ANAPC2: variants seen among roughly 807,000 people sequenced by gnomAD.
ANAPC2 encodes anaphase-promoting complex subunit 2.
Under a neutral mutation model 84.3 loss-of-function variants are expected in ANAPC2, and 29 were observed. The ratio of observed to expected loss-of-function variants is 0.34; its 90% CI spans 0.26 to 0.47. The LOEUF (loss-of-function observed/expected upper bound fraction) is 0.47. ANAPC2 is among the 20% of genes least tolerant of loss of function. The pLI is 1.00. For missense variants in ANAPC2, 857 were observed against 1,131.7 expected (o/e 0.76, Z 3.48); for synonymous variants, 571 against 479.4 (o/e 1.19, Z -2.50).
intron 2 of ANAPC2, chr9:137,187,247 G>C (rs1834493508): frequency 3.6e-6 from 2 of 553,218 alleles, no homozygotes; most frequent in South Asian, 5.8e-5. Context: ...GCAGACACAA[G>C]CCACATAGGG....
chr9:137,180,169 G>C lies in ANAPC2; in HGVS notation c.1890+12C>G, dbSNP rs553691479. 2 of 1,611,880 alleles carry C rather than the reference G, an allele frequency of 1.2e-6. No individual in the cohort carries two copies. Among genetic ancestry groups the C allele is most frequent in the Non-Finnish European group, 8.5e-7 (1 of 1,179,014 alleles). On this transcript the variant is annotated intron_variant, in intron 10 of 12. Coordinates refer to ENST00000323927, the MANE Select transcript of ANAPC2 (RefSeq NM_013366.4). ...TGCCAAGAGCCCATGGGGTGGCCTG[G>C]CATGGAGGTACCTTGAGCTGCTCAT...
At chr9:137,175,194 C>T in intron 12 of ANAPC2, 40 bp from the exon 13 acceptor site, 1 of 1,603,344 alleles carries the variant, frequency 6.2e-7, no homozygotes, top group Non-Finnish European at 8.5e-7. Context: ...ACCTGCAGGC[C>T]TCGCCCCCGC....
At position 137,186,215 on chromosome 9, in the gene ANAPC2, G is replaced by A; in HGVS notation, c.873+9C>T. ...CCAGCGGGGCACAGCCCAAGGGAGGGGTCCTCACCTTGTGGAACTCACGCA... is the reference window on the plus strand; with the variant it reads ...CCAGCGGGGCACAGCCCAAGGGAGGAGTCCTCACCTTGTGGAACTCACGCA... On this transcript the variant is annotated intron_variant, in intron 3 of 12. Coordinates refer to ENST00000323927, the MANE Select transcript of ANAPC2 (RefSeq NM_013366.4). The A allele has an allele frequency of 2.5e-6, 4 of 1,612,282 alleles. No individual in the cohort carries two copies. Among genetic ancestry groups the A allele is most frequent in the African/African-American group, 1.3e-5 (1 of 75,016 alleles).
At chr9:137,183,986 G>A (rs1282616644) in intron 4 of ANAPC2, among the ~76,000 whole-genome samples, 195 bp from the exon 5 acceptor site, 1 of 152,192 alleles carries the variant, frequency 6.6e-6, no homozygotes, top group East Asian at 1.9e-4. Flanking sequence ...CCACAGGGTG[G>A]ACAGAGCAAC....
rs1340673581 is a variant in ANAPC2, at chr9:137,182,982, C to G, written c.1286+143G>C. On this transcript the variant is annotated intron_variant, in intron 6 of 12. Transcript: ENST00000323927. ...CAAGAGGAAAGGAAAGAGCCTCGGG[C>G]CTGATCCCGTGCACTCAGCCCAGCC... The G allele has an allele frequency of 7.7e-6, 5 of 652,874 alleles. No homozygotes were observed. In the East Asian group the frequency reaches 1.3e-4, roughly 18 times the overall value. 40.4% of individuals were successfully genotyped at this position (652,874 alleles called of 1,614,324 possible). A position where few individuals can be genotyped will look rare whatever the true frequency, so the allele number is the denominator to read the frequency against.
At chr9:137,177,435 G>A (rs551420828) in intron 10 of ANAPC2, among the ~76,000 whole-genome samples, 17 of 151,988 alleles carry the variant, frequency 1.1e-4, no homozygotes, top group African/African-American at 3.6e-4. Context: ...GGAATGGCGC[G>A]CACTCCAGCC....
chr9:137,186,238 G>A lies in ANAPC2; in HGVS notation c.859C>T (p.Arg287Cys), dbSNP rs1159939177. The A allele has an allele frequency of 1.9e-6, 3 of 1,612,640 alleles. No homozygotes were observed. The highest frequency in any genetic ancestry group is 2.5e-6 in the Non-Finnish European group (3 of 1,179,938). ...CRGEYERSFL[R>C]EFHKWIERVV... ...GGGGTCCTCACCTTGTGGAACTCAC[G>A]CAGGAAGGAGCGCTCGTACTCGCCC... is the stretch of plus-strand genomic sequence containing the variant. The change falls in exon 3 of 13, where the codon CGT becomes TGT. Residue 287 changes from arginine to cysteine, a missense_variant. This residue lies in a region of ANAPC2 where 428 missense variants were observed against 513.8 expected (regional missense o/e 0.83). Coordinates refer to ENST00000323927, the MANE Select transcript of ANAPC2 (RefSeq NM_013366.4).
At chr9:137,187,039 T>G in intron 2 of ANAPC2, 1 of 182,810 alleles carries the variant, frequency 5.5e-6, no homozygotes, top group Middle Eastern at 2.6e-3. Flanking sequence ...ACCCCTCTCC[T>G]CTCCAAACTA....
rs750197461 is a variant in ANAPC2, at chr9:137,187,471, G to C, written c.740+10C>G. On this transcript the variant is annotated intron_variant, in intron 2 of 12. Coordinates refer to ENST00000323927, the MANE Select transcript of ANAPC2 (RefSeq NM_013366.4). ...GAGCAAGGGCATGGCCATCGGGACA[G>C]ACTACTCACAAGACCTGGCTGAGCT... is the stretch of plus-strand genomic sequence containing the variant. The C allele has an allele frequency of 1.2e-6, 2 of 1,601,012 alleles. No homozygotes were observed. Among genetic ancestry groups the C allele is most frequent in the African/African-American group, 2.7e-5 (2 of 74,818 alleles).
At chr9:137,178,583 G>A (rs998442873) in intron 10 of ANAPC2, among the ~76,000 whole-genome samples, 2 of 152,200 alleles carry the variant, frequency 1.3e-5, no homozygotes, top group South Asian at 4.1e-4. Flanking sequence ...GGGCCACACG[G>A]ATGATTTGTA....
In ANAPC2 at chr9:137,183,354, C is replaced by T. The variant is rs563101033; in HGVS notation, c.1169-112G>A. 4.1e-5 allele frequency: 38 copies of T among 935,722 alleles called. 1 individual carries two copies. Among genetic ancestry groups the T allele is most frequent in the Non-Finnish European group, 6.5e-5 (38 of 588,740 alleles). The allele number at this position is 935,722 out of a possible 1,614,324, so 58.0% of individuals were successfully genotyped here. A position where few individuals can be genotyped will look rare whatever the true frequency, so the allele number is the denominator to read the frequency against. Reference sequence around the variant, plus strand: ...CCGGTAGGTGGTCTACAGGTCCCCACTGCAGCCTCGTTCCCTTGTCCCCCC... The same window carrying T: ...CCGGTAGGTGGTCTACAGGTCCCCATTGCAGCCTCGTTCCCTTGTCCCCCC... On this transcript the variant is annotated intron_variant, in intron 5 of 12. Coordinates refer to ENST00000323927, the MANE Select transcript of ANAPC2 (RefSeq NM_013366.4).
In ANAPC2 at chr9:137,174,931, C is replaced by A; in HGVS notation, c.*11G>T. The A allele has an allele frequency of 8.0e-7, 1 of 1,252,734 alleles. No individual in the cohort carries two copies. Among genetic ancestry groups the A allele is most frequent in the Admixed American group, 3.0e-5 (1 of 32,912 alleles). The allele number at this position is 1,252,734 out of a possible 1,614,324, so 77.6% of individuals were successfully genotyped here. On this transcript the variant is annotated 3_prime_UTR_variant, in exon 13 of 13. Transcript: ENST00000323927. The surrounding 1 kb of genome is among the most constrained non-coding windows in gnomAD (Gnocchi z 6.1). Reference sequence around the variant, plus strand: ...AGCGCCTGGCGGGCGGGCGGGCGGGCGGGCGATGTGTCAGCTGCAGTTCTT... The same window carrying A: ...AGCGCCTGGCGGGCGGGCGGGCGGGAGGGCGATGTGTCAGCTGCAGTTCTT...
At chr9:137,186,953 G>A (rs995732266) in intron 2 of ANAPC2, 8 of 167,600 alleles carry the variant, frequency 4.8e-5, no homozygotes, top group African/African-American at 1.4e-4. Context: ...CCCGTTCAAT[G>A]TGACAAAACC....
At chr9:137,188,323 G>T in intron 1 of ANAPC2, 93 bp downstream of exon 1, 1 of 1,409,372 alleles carries the variant, frequency 7.1e-7, no homozygotes. Flanking sequence ...GCGGATGATG[G>T]ACAGAGCCGT....
At position 137,188,088 on chromosome 9, in the gene ANAPC2, T is replaced by G. The variant is rs765352678; in HGVS notation, c.133A>C (p.Ser45Arg). Reference protein sequence around the residue: ...AALGLVSSRTSGAVPPKEEEL... With the variant: ...AALGLVSSRTRGAVPPKEEEL... ...TCTTCCTTTGGCGGGACTGCACCGCTGGTCCGGGAAGACACCTGGGGTGCA... is the reference window on the plus strand; with the variant it reads ...TCTTCCTTTGGCGGGACTGCACCGCGGGTCCGGGAAGACACCTGGGGTGCA... Residue 45 changes from serine (S) to arginine (R), a missense_variant, in exon 2 of 13, where the codon AGC (serine) becomes CGC (arginine). Ser to Arg is a moderately radical substitution (Grantham distance 110). This residue lies in a region of ANAPC2 where 428 missense variants were observed against 513.8 expected (regional missense o/e 0.83). Transcript: ENST00000323927. The G allele has an allele frequency of 2.7e-5, 43 of 1,611,792 alleles. No individual in the cohort carries two copies. The African/African-American group carries it at 3.9e-4, about 15-fold the overall frequency.
chr9:137,185,234 C>T (rs1011217058), intron 3 of ANAPC2, 147 bp from the exon 4 acceptor site: 1 of 849,380 alleles, frequency 1.2e-6, no homozygotes, highest in Non-Finnish European at 1.7e-6. Context: ...GGCTGGAGCA[C>T]ATCAAAACCT....
intron 10 of ANAPC2, among the ~76,000 whole-genome samples, chr9:137,179,234 C>G (rs1211423485): frequency 2.0e-5 from 3 of 152,154 alleles, no homozygotes; most frequent in Non-Finnish European, 2.9e-5. Flanking sequence ...GCTGGGGTGC[C>G]CGCCTCCCCC....
intron 8 of ANAPC2, 111 bp downstream of exon 8, chr9:137,180,677 G>A (rs1450548151): frequency 1.3e-5 from 21 of 1,563,718 alleles, no homozygotes; most frequent in East Asian, 4.5e-5. Flanking sequence ...GAGTGGGGGC[G>A]GAAGCACAGC....
rs1834205141 is a variant in ANAPC2 at position 137,176,118 on chromosome 9, G to A, written c.1891-281C>T. 1.4e-5 allele frequency: 5 copies of A among 369,764 alleles called. 1 individual carries two copies. Among genetic ancestry groups the A allele is most frequent in the Admixed American group, 1.3e-4 (3 of 23,212 alleles). 22.9% of individuals were successfully genotyped at this position (369,764 alleles called of 1,614,324 possible). ...AAATGTGGCCATATTTGCAAACAGG[G>A]TTGATGCAGATGTAACTGAGGTGCA... On this transcript the variant is annotated intron_variant, in intron 10 of 12. Coordinates refer to ENST00000323927, the MANE Select transcript of ANAPC2 (RefSeq NM_013366.4).
Sources: allele counts gnomAD v4.1 joint callset (sites outside exome capture counted in the v4.1 genomes callset), GRCh38; gene constraint gnomAD v4.1.1; regional missense constraint gnomAD v4.1.1; non-coding constraint Gnocchi (gnomAD v3.1); transcripts MANE v1.5; gene names NCBI Gene and HGNC (gene_info 2026-07-23, HGNC 2026-07-21).